The following SLC47A2 variants were observed in gnomAD, a reference collection of about 807,000 sequenced individuals.
SLC47A2 encodes the protein solute carrier family 47 member 2.
Under a neutral mutation model 67.7 loss-of-function variants are expected in SLC47A2, and 52 were observed. That is an observed-to-expected ratio of 0.77 (90% CI 0.61 to 0.97). The LOEUF (loss-of-function observed/expected upper bound fraction) is 0.97, where lower values mean the gene tolerates loss of function less well. Ranked by LOEUF, SLC47A2 falls within the 50% of genes least tolerant of loss-of-function variation. The pLI is 0.00. For missense variants in SLC47A2, 676 were observed against 712.3 expected (o/e 0.95, Z 0.58); for synonymous variants, 278 against 292.9 (o/e 0.95, Z 0.52).
chr17:19,703,324 G>A (rs552509464), intron 11 of SLC47A2, among the ~76,000 whole-genome samples, 157 bp from the exon 12 acceptor site: 1 of 152,358 alleles, frequency 6.6e-6, no homozygotes, highest in Non-Finnish European at 1.5e-5. Flanking sequence ...CCGCATCTGA[G>A]GCGTTCATTT....
At chr17:19,702,949 G>T in intron 12 of SLC47A2, 143 bp downstream of exon 12, 1 of 957,442 alleles carries the variant, frequency 1.0e-6, no homozygotes, top group Non-Finnish European at 1.6e-6. Flanking sequence ...ACAGAAGTTG[G>T]CTTCCTCTCA....
At chr17:19,705,642 T>A in intron 9 of SLC47A2, 139 bp from the exon 10 acceptor site, 1 of 728,802 alleles carries the variant, frequency 1.4e-6, no homozygotes, top group Non-Finnish European at 2.1e-6. Context: ...CTCTGTCGCT[T>A]GAGCTGGAGT....
At chr17:19,703,000 C>G in intron 12 of SLC47A2, 92 bp downstream of exon 12, 1 of 1,378,372 alleles carries the variant, frequency 7.3e-7, no homozygotes, top group Non-Finnish European at 1.0e-6. Context: ...CCTTTGGGCC[C>G]AGCACTGAGC....
At chr17:19,710,969 C>T (rs1219558031) in intron 5 of SLC47A2, among the ~76,000 whole-genome samples, 1 of 151,742 alleles carries the variant, frequency 6.6e-6, no homozygotes, top group East Asian at 2.0e-4. Context: ...GCCACCACAC[C>T]CGGCTAATTT....
rs189710116 is a variant in SLC47A2, at chr17:19,693,122, T to A, written c.1164+9483A>T. Among the ~76,000 whole-genome samples, 854 of 138,436 alleles carry A rather than the reference T, an allele frequency of 6.2e-3. 6 individuals carry two copies. The highest frequency in any genetic ancestry group is 0.02 in the Middle Eastern group (5 of 254). The allele number at this position is 138,436 out of a possible 152,430, so 90.8% of individuals were successfully genotyped here. ...CTCCAGCCTGGCGACGGAGTGAGAC[T>A]CTGTCTCAAAAAAAAAGAGGTTTAT... is the stretch of plus-strand genomic sequence containing the variant. On this transcript the variant is annotated intron_variant, in intron 13 of 16. Coordinates refer to ENST00000433844, the MANE Select transcript of SLC47A2 (RefSeq NM_001099646.3).
At position 19,685,845 on chromosome 17, in the gene SLC47A2, G is replaced by A. The variant is rs1347085029; in HGVS notation, c.1165-4175C>T. Among the ~76,000 whole-genome samples the A allele has an allele frequency of 1.3e-5, 2 of 152,204 alleles. No individual in the cohort carries two copies. Among genetic ancestry groups the A allele is most frequent in the Non-Finnish European group, 2.9e-5 (2 of 68,040 alleles). ...TAAATAAACTACTTTTCAAGACATA[G>A]TGTAAGATATAAATAGAAACAACAA... On this transcript the variant is annotated intron_variant, in intron 13 of 16. Transcript: ENST00000433844. This position sits in a 1 kb window ranked among gnomAD's most constrained non-coding sequence, Gnocchi z 4.5.
At chr17:19,682,376 T>A (rs1001180819) in intron 13 of SLC47A2, among the ~76,000 whole-genome samples, 1 of 149,886 alleles carries the variant, frequency 6.7e-6, no homozygotes, top group Non-Finnish European at 1.5e-5. Context: ...AATTTATTAT[T>A]TTATTTTACA....
At chr17:19,692,495 A>G (rs963466646) in intron 13 of SLC47A2, among the ~76,000 whole-genome samples, 25 of 152,236 alleles carry the variant, frequency 1.6e-4, no homozygotes, top group Admixed American at 2.0e-4. Context: ...TTAACAAGAA[A>G]TAGGAAATCT....
At chr17:19,715,438 TCAGTGCCTGGCGCAGCG>T (rs59980332) in intron 1 of SLC47A2, among the ~76,000 whole-genome samples, 49,294 of 151,870 alleles carry the variant, frequency 0.32, 8,171 homozygotes, top group Non-Finnish European at 0.36. Flanking sequence ...CCCAGAAGGG[TCAGTGCCTGGCGCAGCG>T]CAGTGCCTGG....
chr17:19,714,009 C>T (rs1251457249), intron 3 of SLC47A2, 36 bp from the exon 4 acceptor site: 1 of 1,591,876 alleles, frequency 6.3e-7, no homozygotes, highest in East Asian at 2.3e-5. Context: ...GCCGTTTCCA[C>T]TGCCCGGGAC....
At chr17:19,716,146 C>A in intron 1 of SLC47A2, 1 of 415,406 alleles carries the variant, frequency 2.4e-6, no homozygotes, top group South Asian at 4.2e-5. Context: ...TGTCCTGGAG[C>A]CATCTTCCAA....
In SLC47A2 at chr17:19,705,475, G is replaced by C; in HGVS notation, c.870C>G (p.Ala290=). ...TGGCCACCTCGTAGATGACAGCCTG[G>C]GCAGAGAGATCCACCACACTGAGCA... ...MGLLSVVDLS[A]QAVIYEVATV... is the part of the protein sequence containing the mutation. The change falls in exon 10 of 17, where the codon GCC becomes GCG. Residue 290 remains alanine, a synonymous_variant. Coordinates refer to ENST00000433844, the MANE Select transcript of SLC47A2 (RefSeq NM_001099646.3). 2 of 1,611,828 alleles carry C rather than the reference G, an allele frequency of 1.2e-6. No individual in the cohort carries two copies. Among genetic ancestry groups the C allele is most frequent in the Admixed American group, 3.3e-5 (2 of 59,820 alleles).
At chr17:19,714,414 C>T (rs910612777) in intron 3 of SLC47A2, 6 of 500,570 alleles carry the variant, frequency 1.2e-5, no homozygotes, top group East Asian at 3.4e-5. Flanking sequence ...TGTAGGCAGC[C>T]GAACTTAGGA....
intron 7 of SLC47A2, 73 bp from the exon 8 acceptor site, chr17:19,707,916 G>T: frequency 7.1e-7 from 1 of 1,409,322 alleles, no homozygotes; most frequent in Non-Finnish European, 9.8e-7. Flanking sequence ...GAGAGAGGTG[G>T]CTCTGGCGGC....
At chr17:19,711,603 AAAAAAAAAAAAAAG>A (rs2086100710) in intron 5 of SLC47A2, among the ~76,000 whole-genome samples, 1 of 145,892 alleles carries the variant, frequency 6.9e-6, no homozygotes, top group East Asian at 1.9e-4. Flanking sequence ...AAAAAAAAAA[AAAAAAAAAAAAAAG>A]AAAAGAAAAA....
intron 13 of SLC47A2, among the ~76,000 whole-genome samples, chr17:19,693,660 C>T (rs2085594243): frequency 6.6e-6 from 1 of 151,272 alleles, no homozygotes; most frequent in South Asian, 2.1e-4. Context: ...TAGCCAGGCA[C>T]GGAGTTGCGT....
chr17:19,718,247 C>T (rs1413413432), upstream of SLC47A2: 1 of 152,284 alleles, frequency 6.6e-6, no homozygotes, highest in Non-Finnish European at 1.5e-5. Flanking sequence ...GGCCTGTCAC[C>T]TCCTGTCGCA....
intron 15 of SLC47A2, among the ~76,000 whole-genome samples, 169 bp downstream of exon 15, chr17:19,681,198 G>A (rs1295813822): frequency 1.3e-5 from 2 of 151,934 alleles, no homozygotes; most frequent in African/African-American, 2.4e-5. Context: ...GGGCGACAGA[G>A]TGAGACTCCA....
intron 13 of SLC47A2, among the ~76,000 whole-genome samples, chr17:19,688,563 T>TTGTTCGCAGG (rs2085475397): frequency 6.6e-6 from 1 of 152,200 alleles, no homozygotes; most frequent in East Asian, 1.9e-4. Context: ...CAAATTATCC[T>TTGTTCGCAGG]TGTTCGCAGG....
Sources: gnomAD v4.1 joint callset for allele counts (sites outside exome capture counted in the v4.1 genomes callset) on GRCh38, gnomAD v4.1.1 for gene constraint, Gnocchi (gnomAD v3.1) non-coding constraint, MANE v1.5 for transcripts, NCBI Gene and HGNC (gene_info 2026-07-23, HGNC 2026-07-21) for gene names.